The following SORCS2 variants were observed in gnomAD, a reference collection of about 807,000 sequenced individuals.
SORCS2 encodes sortilin related VPS10 domain containing receptor 2.
A neutral mutation model predicts 141.6 loss-of-function variants in SORCS2; 100 were observed. The observed-to-expected ratio is 0.71, with a 90% confidence interval of 0.60 to 0.83. SORCS2 has a LOEUF of 0.83. Among genes scored for constraint, SORCS2 ranks in the 40% least tolerant of loss-of-function variants. The pLI is 0.00. For missense variants in SORCS2, 1,646 were observed against 1,560.2 expected (o/e 1.05, Z -0.93); for synonymous variants, 789 against 676.9 (o/e 1.17, Z -2.57).
chr4:7,418,567 C>G (rs889028106), intron 2 of SORCS2, among the ~76,000 whole-genome samples: 2 of 152,230 alleles, frequency 1.3e-5, no homozygotes, highest in African/African-American at 2.4e-5. Flanking sequence ...CACGAGGACC[C>G]TTATAAAAAT....
chr4:7,650,575 G>A (rs997209991), intron 4 of SORCS2, among the ~76,000 whole-genome samples: 41 of 152,168 alleles, frequency 2.7e-4, no homozygotes, highest in African/African-American at 9.4e-4. Flanking sequence ...ACTCACAGAC[G>A]CTCCCCTTTG....
intron 1 of SORCS2, among the ~76,000 whole-genome samples, chr4:7,366,020 T>C (rs897913797): frequency 1.3e-5 from 2 of 152,180 alleles, no homozygotes; most frequent in African/African-American, 4.8e-5. Context: ...CTCTGTCCCC[T>C]GTTTTTATTT....
chr4:7,472,158 G>A (rs571237918), intron 2 of SORCS2, among the ~76,000 whole-genome samples: 1 of 152,342 alleles, frequency 6.6e-6, no homozygotes, highest in East Asian at 1.9e-4. Flanking sequence ...ACTGCCCTGG[G>A]CAGGCTGCTG....
intron 6 of SORCS2, 90 bp downstream of exon 6, chr4:7,661,654 G>A (rs1334249929): frequency 1.6e-5 from 19 of 1,199,930 alleles, no homozygotes; most frequent in South Asian, 2.7e-5. Flanking sequence ...TCGCTTGTCC[G>A]CAATGGCTGG....
At chr4:7,659,635 G>A (rs1187572197) in intron 5 of SORCS2, among the ~76,000 whole-genome samples, 1 of 152,242 alleles carries the variant, frequency 6.6e-6, no homozygotes. Context: ...GGCAGAATTG[G>A]TGCCAGAGTA....
In SORCS2 at chr4:7,676,376, T is replaced by C. The variant is rs1309896795; in HGVS notation, c.1341+147T>C. The C allele has an allele frequency of 4.8e-6, 4 of 837,108 alleles. 1 individual carries two copies. The highest frequency in any genetic ancestry group is 7.2e-6 in the Non-Finnish European group (4 of 553,834). The allele number at this position is 837,108 out of a possible 1,614,324, so 51.9% of individuals were successfully genotyped here. On this transcript the variant is annotated intron_variant, in intron 9 of 26. Coordinates refer to ENST00000507866, the MANE Select transcript of SORCS2 (RefSeq NM_020777.3). ...CACATCTTCTGTACACAGCCAAATA[T>C]TTTAGGCTTTGCAGGCCAAGAGGCT...
At chr4:7,724,355 TG>T (rs1223823715) in intron 19 of SORCS2, among the ~76,000 whole-genome samples, 117 of 139,170 alleles carry the variant, frequency 8.4e-4, no homozygotes, top group African/African-American at 3.1e-3. Context: ...GTAACAGTAG[TG>T]GTAGTAATGG....
At chr4:7,422,729 C>T (rs1024339510) in intron 2 of SORCS2, among the ~76,000 whole-genome samples, 8 of 152,278 alleles carry the variant, frequency 5.3e-5, no homozygotes, top group Non-Finnish European at 7.4e-5. Context: ...CCTGTGGCAC[C>T]GCCGTCTCTC....
intron 3 of SORCS2, among the ~76,000 whole-genome samples, chr4:7,548,135 G>A (rs1030319131): frequency 1.3e-5 from 2 of 152,192 alleles, no homozygotes; most frequent in Admixed American, 6.5e-5. Flanking sequence ...GAATTGCTGG[G>A]CTGAAAGAGG....
At chr4:7,608,604 G>A (rs1447347047) in intron 3 of SORCS2, among the ~76,000 whole-genome samples, 6 of 152,210 alleles carry the variant, frequency 3.9e-5, no homozygotes, top group African/African-American at 1.2e-4. Context: ...ATGCTTGCCA[G>A]CCAGGGACAG....
At chr4:7,402,724 T>C (rs1724675641) in intron 2 of SORCS2, among the ~76,000 whole-genome samples, 1 of 152,172 alleles carries the variant, frequency 6.6e-6, no homozygotes, top group Non-Finnish European at 1.5e-5. Flanking sequence ...CTCCACACCT[T>C]GGAGTCATCA....
chr4:7,592,147 T>A (rs1317564074), intron 3 of SORCS2, among the ~76,000 whole-genome samples: 1 of 152,186 alleles, frequency 6.6e-6, no homozygotes, highest in Non-Finnish European at 1.5e-5. Flanking sequence ...CAAAGCCCCT[T>A]TCATTTTATT....
chr4:7,327,818 G>A (rs547995931), intron 1 of SORCS2, among the ~76,000 whole-genome samples: 7 of 137,316 alleles, frequency 5.1e-5, no homozygotes, highest in East Asian at 2.3e-4. Flanking sequence ...CCCCAACCCC[G>A]CCCCCGGCAA....
At chr4:7,265,777 G>C (rs573628051) in intron 1 of SORCS2, among the ~76,000 whole-genome samples, 16 of 152,184 alleles carry the variant, frequency 1.1e-4, no homozygotes, top group Admixed American at 2.0e-4. Context: ...ATGAGGCCAC[G>C]TTCGCAGGGG....
intron 10 of SORCS2, among the ~76,000 whole-genome samples, chr4:7,686,666 G>C (rs527986632): frequency 1.3e-5 from 2 of 152,338 alleles, no homozygotes; most frequent in African/African-American, 4.8e-5. Context: ...CTCCTGATGC[G>C]CACTGGCCTG....
chr4:7,689,882 G>A (rs747085655), intron 11 of SORCS2, among the ~76,000 whole-genome samples: 3 of 152,212 alleles, frequency 2.0e-5, no homozygotes, highest in Non-Finnish European at 4.4e-5. Flanking sequence ...ATGGATAGGT[G>A]GATGGTGGAT....
chr4:7,306,863 C>T (rs1313097655), intron 1 of SORCS2, among the ~76,000 whole-genome samples: 1 of 152,176 alleles, frequency 6.6e-6, no homozygotes, highest in African/African-American at 2.4e-5. Flanking sequence ...AGGCAGGCAG[C>T]GTTGTGGGCG....
intron 1 of SORCS2, among the ~76,000 whole-genome samples, chr4:7,195,784 C>T (rs376144205): frequency 3.3e-5 from 5 of 152,214 alleles, no homozygotes; most frequent in South Asian, 4.1e-4. Flanking sequence ...GTGGGTTTCA[C>T]GTCTGCTTGA....
chr4:7,630,756 G>C (rs1719836980), intron 3 of SORCS2, among the ~76,000 whole-genome samples: 1 of 152,212 alleles, frequency 6.6e-6, no homozygotes, highest in Non-Finnish European at 1.5e-5. Context: ...GGAGGCTGCA[G>C]TGTTTGTTCG....
Sources: allele counts gnomAD v4.1 joint callset (sites outside exome capture counted in the v4.1 genomes callset), GRCh38; gene constraint gnomAD v4.1.1; transcripts MANE v1.5; gene names NCBI Gene and HGNC (gene_info 2026-07-23, HGNC 2026-07-21).